COL24A1: variants seen among roughly 807,000 people sequenced by gnomAD.
COL24A1 encodes collagen alpha-1(XXIV) chain.
COL24A1 carries 224 observed loss-of-function variants against 253.9 expected under a neutral mutation model. That is an observed-to-expected ratio of 0.88 (90% CI 0.79 to 0.99). The LOEUF (loss-of-function observed/expected upper bound fraction) is 0.99. Among genes scored for constraint, COL24A1 ranks in the 50% least tolerant of loss-of-function variants. The pLI, the probability that COL24A1 is intolerant of heterozygous loss-of-function variation, is 0.00. For missense variants in COL24A1, 2,131 were observed against 2,068.5 expected (o/e 1.03, Z -0.59); for synonymous variants, 685 against 673.7 (o/e 1.02, Z -0.26).
At chr1:85,858,685 G>A (rs12756754) in intron 37 of COL24A1, among the ~76,000 whole-genome samples, 27 of 52,616 alleles carry the variant, frequency 5.1e-4, no homozygotes, top group Middle Eastern at 0.021. Context: ...CCTTCCCTCC[G>A]TCCTTCTTCC....
At chr1:86,147,612 A>G (rs1652076159) in intron 1 of COL24A1, among the ~76,000 whole-genome samples, 1 of 152,234 alleles carries the variant, frequency 6.6e-6, no homozygotes, top group African/African-American at 2.4e-5. Flanking sequence ...CTTGTAAAAA[A>G]TGCAGATTTT....
chr1:86,125,424 T>C lies in COL24A1; in HGVS notation c.912A>G (p.Arg304=), dbSNP rs1648113049. ...GAGATCTTGATATCTGGTGTTCTTG[T>C]CTTTTATACACGGTTTCAGAATCAT... is the stretch of plus-strand genomic sequence containing the variant. ...IKNDSETVYK[R]QEHQISRSQL... Residue 304 remains arginine (R), a synonymous_variant, in exon 3 of 60, where the codon AGA becomes AGG. Transcript: ENST00000370571. 3.7e-6 allele frequency: 6 copies of C among 1,613,632 alleles called. No individual in the cohort carries two copies. In the East Asian group the frequency reaches 6.7e-5, roughly 18 times the overall value.
intron 35 of COL24A1, 61 bp downstream of exon 35, chr1:85,874,588 A>C (rs1394858321): frequency 1.2e-5 from 18 of 1,444,802 alleles, no homozygotes; most frequent in Non-Finnish European, 1.7e-5. Flanking sequence ...TCGAATAATA[A>C]GTTTTGAGCC....
intron 5 of COL24A1, among the ~76,000 whole-genome samples, chr1:86,105,861 G>T (rs75773592): frequency 0.02 from 3,117 of 152,190 alleles, 49 homozygotes; most frequent in South Asian, 0.056. Context: ...GGAGTCGCTG[G>T]GGTCCATGAA....
intron 19 of COL24A1, among the ~76,000 whole-genome samples, chr1:86,008,954 T>C (rs931606372): frequency 3.5e-5 from 4 of 115,624 alleles, no homozygotes; most frequent in Admixed American, 8.2e-5. Flanking sequence ...ACCTAAGGAA[T>C]GTTAACACAA....
chr1:86,033,013 A>C (rs760989676), intron 13 of COL24A1, among the ~76,000 whole-genome samples: 10 of 152,142 alleles, frequency 6.6e-5, no homozygotes, highest in Non-Finnish European at 7.4e-5. Flanking sequence ...TAAACATTCC[A>C]CTTAAAACAA....
chr1:86,121,841 G>A (rs1405918933), intron 3 of COL24A1, among the ~76,000 whole-genome samples: 1 of 152,044 alleles, frequency 6.6e-6, no homozygotes, highest in Admixed American at 6.6e-5. Flanking sequence ...ATAATCTTCA[G>A]ATCAAAATAA....
intron 12 of COL24A1, among the ~76,000 whole-genome samples, chr1:86,045,603 T>G (rs72960309): frequency 7.9e-4 from 119 of 149,760 alleles, no homozygotes; most frequent in African/African-American, 2.6e-3. Context: ...TGTAACAGAG[T>G]ATAGTTAAAT....
intron 52 of COL24A1, among the ~76,000 whole-genome samples, chr1:85,779,936 T>C (rs1339790797): frequency 1.3e-5 from 2 of 152,198 alleles, no homozygotes; most frequent in Non-Finnish European, 2.9e-5. Flanking sequence ...CTTTAAGAAC[T>C]ATCTATAAAC....
rs772605976 is a variant in COL24A1 at position 85,786,410 on chromosome 1, G to A, written c.4003C>T (p.Pro1335Ser). The A allele has an allele frequency of 1.9e-6, 3 of 1,613,660 alleles. No homozygotes were observed. In the South Asian group the frequency reaches 3.3e-5, roughly 18 times the overall value. Residue 1335 changes from proline to serine, a missense_variant, in exon 48 of 60, where the codon CCA becomes TCA. Coordinates refer to ENST00000370571, the MANE Select transcript of COL24A1 (RefSeq NM_152890.7). ...RTGLAGAPGP[P>S]GVKGSSGLPG... ...AAGCCTGATGAACCCTTTACTCCTG[G>A]AGGACCTGGAGCCCCAGCAAGACCT...
chr1:85,992,093 C>A (rs188010134), intron 19 of COL24A1, among the ~76,000 whole-genome samples: 1 of 151,892 alleles, frequency 6.6e-6, no homozygotes, highest in Non-Finnish European at 1.5e-5. Context: ...CCACAACAGG[C>A]CCCAGTGTGT....
intron 28 of COL24A1, 24 bp downstream of exon 28, chr1:85,907,170 T>C (rs1189100628): frequency 6.2e-7 from 1 of 1,600,694 alleles, no homozygotes; most frequent in East Asian, 2.2e-5. Flanking sequence ...GGGGTTAATG[T>C]ACTTTTTTCC....
intron 10 of COL24A1, among the ~76,000 whole-genome samples, chr1:86,054,449 GA>G (rs1302604939): frequency 2.0e-5 from 3 of 151,516 alleles, no homozygotes; most frequent in Admixed American, 1.3e-4. Context: ...AAATCAATAA[GA>G]AAAAAACAAA....
chr1:85,980,605 T>C (rs1363640614), intron 20 of COL24A1, among the ~76,000 whole-genome samples: 2 of 152,130 alleles, frequency 1.3e-5, no homozygotes, highest in African/African-American at 4.8e-5. Flanking sequence ...AAAAATAAAA[T>C]ACTTAGAAGT....
intron 20 of COL24A1, among the ~76,000 whole-genome samples, chr1:85,979,225 A>T (rs1260705813): frequency 6.6e-6 from 1 of 152,188 alleles, no homozygotes; most frequent in African/African-American, 2.4e-5. Context: ...TTAAATGCCT[A>T]TATCAAAAAG....
rs1230217839 is a variant in COL24A1, at chr1:85,736,143, T to C, written c.4783-1179A>G. ...AGGATTAAAAATGACAAATGTAATT[T>C]ACCTAGCATTGTTCCTGGCACAGAG... On this transcript the variant is annotated intron_variant, in intron 58 of 59. Coordinates refer to ENST00000370571, the MANE Select transcript of COL24A1 (RefSeq NM_152890.7). The C allele has an allele frequency of 2.1e-5, 7 of 335,418 alleles. No individual in the cohort carries two copies. In the East Asian group the frequency reaches 5.3e-4, roughly 25 times the overall value. 20.8% of individuals were successfully genotyped at this position (335,418 alleles called of 1,614,324 possible). A position where few individuals can be genotyped will look rare whatever the true frequency, so the allele number is the denominator to read the frequency against.
At chr1:86,078,676 A>T (rs1011879618) in intron 7 of COL24A1, among the ~76,000 whole-genome samples, 4 of 152,214 alleles carry the variant, frequency 2.6e-5, no homozygotes, top group Non-Finnish European at 4.4e-5. Flanking sequence ...ATAATGAACA[A>T]TTGGAAAAAG....
intron 7 of COL24A1, among the ~76,000 whole-genome samples, chr1:86,087,840 CG>C (rs1368336266): frequency 2.0e-5 from 3 of 152,102 alleles, no homozygotes; most frequent in Non-Finnish European, 4.4e-5. Flanking sequence ...TGTCTCCTTG[CG>C]GGGGCAACCA....
At chr1:86,131,696 A>C (rs1251265391) in intron 2 of COL24A1, among the ~76,000 whole-genome samples, 4 of 151,944 alleles carry the variant, frequency 2.6e-5, no homozygotes, top group East Asian at 3.9e-4. Context: ...TGAACTCATC[A>C]TTTTTTATGG....
Sources: allele counts gnomAD v4.1 joint callset (sites outside exome capture counted in the v4.1 genomes callset), GRCh38; gene constraint gnomAD v4.1.1; transcripts MANE v1.5; gene names NCBI Gene and HGNC (gene_info 2026-07-23, HGNC 2026-07-21).